The following SND1 variants were observed in gnomAD, a reference collection of about 807,000 sequenced individuals.
SND1 encodes staphylococcal nuclease and tudor domain containing 1.
In SND1, 38 loss-of-function variants were observed where a neutral mutation model predicts 121.7. The observed-to-expected ratio is 0.31, with a 90% CI of 0.24 to 0.41. The LOEUF (loss-of-function observed/expected upper bound fraction) is 0.41. Ranked by LOEUF, SND1 falls within the 10% of genes least tolerant of loss-of-function variation. The pLI is 1.00. For missense variants in SND1, 868 were observed against 1,184.6 expected (o/e 0.73, Z 3.92); for synonymous variants, 401 against 447.4 (o/e 0.90, Z 1.31).
At chr7:127,945,835 C>T (rs937792312) in intron 15 of SND1, among the ~76,000 whole-genome samples, 2 of 152,202 alleles carry the variant, frequency 1.3e-5, no homozygotes, top group African/African-American at 2.4e-5. Context: ...GAGGCAGGCA[C>T]CATTACACTA....
chr7:127,730,076 C>T (rs1171807891), intron 10 of SND1, among the ~76,000 whole-genome samples: 1 of 152,192 alleles, frequency 6.6e-6, no homozygotes, highest in East Asian at 1.9e-4. Context: ...TCAAGCGATT[C>T]TCCTGTCTCA....
intron 17 of SND1, among the ~76,000 whole-genome samples, chr7:128,078,057 G>A (rs573434936): frequency 9.2e-5 from 14 of 152,330 alleles, no homozygotes; most frequent in Admixed American, 7.2e-4. Flanking sequence ...GAAAGTGGCT[G>A]GGTCTGGCAG....
intron 1 of SND1, among the ~76,000 whole-genome samples, chr7:127,677,590 T>C (rs1471253990): frequency 6.6e-6 from 1 of 152,216 alleles, no homozygotes; most frequent in Non-Finnish European, 1.5e-5. Context: ...GTAATAAATA[T>C]TTTAGGCTTT....
At chr7:127,666,159 G>C (rs541596434) in intron 1 of SND1, among the ~76,000 whole-genome samples, 12 of 152,320 alleles carry the variant, frequency 7.9e-5, no homozygotes, top group Non-Finnish European at 1.6e-4. Flanking sequence ...GCAGGACACA[G>C]GTCCAGCTCC....
rs1793789772 is a variant in SND1 at position 128,092,005 on chromosome 7, C to T, written c.2680C>T (p.Arg894Cys). The change falls in exon 24 of 24, where the codon CGC becomes TGC. Residue 894 changes from arginine (R) to cysteine (C), a missense_variant. Arg to Cys is a radical substitution (Grantham distance 180). Transcript: ENST00000354725. The surrounding 1 kb of genome is among the most constrained non-coding windows in gnomAD (Gnocchi z 4.9). ...TTTTTTCTTACAGCTGAACCTGTGG[C>T]GCTATGGAGACTTTCGAGCTGATGA... ...SAKSARLNLW[R>C]YGDFRADDAD... The T allele has an allele frequency of 1.5e-5, 24 of 1,614,032 alleles. No individual in the cohort carries two copies. Among genetic ancestry groups the T allele is most frequent in the Non-Finnish European group, 1.7e-5 (20 of 1,180,006 alleles).
At chr7:127,897,605 T>C (rs889048866) in intron 13 of SND1, among the ~76,000 whole-genome samples, 6 of 152,220 alleles carry the variant, frequency 3.9e-5, no homozygotes, top group Admixed American at 2.6e-4. Flanking sequence ...TGGTTTGCCT[T>C]GGTAAAGGGA....
rs77759938 is a variant in SND1 at position 128,047,666 on chromosome 7, A to C, written c.1780-26836A>C. ...ATTAGCGGCAAACTAAGACATAATC[A>C]GAGTTGAGAGATCTTTGAAAAGGGT... On this transcript the variant is annotated intron_variant, in intron 16 of 23. Transcript: ENST00000354725. Among the ~76,000 whole-genome samples, 281 of 152,338 alleles carry C rather than the reference A, an allele frequency of 1.8e-3. 1 individual carries two copies. The highest frequency in any genetic ancestry group is 0.01 in the Middle Eastern group (3 of 294).
At chr7:127,779,575 T>C (rs979310470) in intron 10 of SND1, among the ~76,000 whole-genome samples, 1 of 152,238 alleles carries the variant, frequency 6.6e-6, no homozygotes, top group Admixed American at 6.5e-5. Context: ...AGAATGGTTC[T>C]TAACAAGGGG....
chr7:127,869,181 G>A (rs1799532491), intron 12 of SND1, among the ~76,000 whole-genome samples: 1 of 152,132 alleles, frequency 6.6e-6, no homozygotes, highest in Non-Finnish European at 1.5e-5. Context: ...AGGACCTGAA[G>A]GATGGCAAAA....
chr7:127,764,390 T>TTTAATAGTGCAA (rs1797372405), intron 10 of SND1, among the ~76,000 whole-genome samples: 1 of 152,200 alleles, frequency 6.6e-6, no homozygotes, highest in Admixed American at 6.5e-5. Context: ...TGCGAAGTAT[T>TTTAATAGTGCAA]TTAATAGTGC....
chr7:128,081,768 G>A, intron 18 of SND1: 1 of 632,506 alleles, frequency 1.6e-6, no homozygotes, highest in South Asian at 1.5e-5. Flanking sequence ...ACGCAGGTGA[G>A]ATAACCAGGT....
At chr7:127,702,346 G>T in intron 5 of SND1, 89 bp from the exon 6 acceptor site, 2 of 1,199,678 alleles carry the variant, frequency 1.7e-6, no homozygotes, top group Non-Finnish European at 2.5e-6. Context: ...TTGGGGAGAG[G>T]AAACTGTGTT....
intron 10 of SND1, among the ~76,000 whole-genome samples, chr7:127,793,013 A>G (rs1161623650): frequency 1.3e-5 from 2 of 152,240 alleles, no homozygotes; most frequent in Non-Finnish European, 2.9e-5. Context: ...TCACCAAGGA[A>G]AAGTTTAGAA....
intron 14 of SND1, among the ~76,000 whole-genome samples, chr7:127,921,651 T>C (rs968227806): frequency 2.6e-5 from 4 of 152,226 alleles, no homozygotes; most frequent in Non-Finnish European, 5.9e-5. Flanking sequence ...AATGTGCATT[T>C]TGAGAAACGT....
At chr7:127,766,592 G>A (rs1175153678) in intron 10 of SND1, among the ~76,000 whole-genome samples, 2 of 151,542 alleles carry the variant, frequency 1.3e-5, no homozygotes, top group Non-Finnish European at 2.9e-5. Flanking sequence ...TGGCCAACGT[G>A]GTGAAACCCC....
chr7:128,047,549 A>G (rs939694775), intron 16 of SND1, among the ~76,000 whole-genome samples: 6 of 152,242 alleles, frequency 3.9e-5, no homozygotes, highest in African/African-American at 1.2e-4. Context: ...AAATAAACAC[A>G]TAGAATACAG....
intron 1 of SND1, among the ~76,000 whole-genome samples, chr7:127,662,200 G>A (rs1457073831): frequency 2.0e-5 from 3 of 152,044 alleles, no homozygotes; most frequent in Non-Finnish European, 4.4e-5. Context: ...AACGTCAACA[G>A]TGTATTTGCT....
intron 16 of SND1, among the ~76,000 whole-genome samples, chr7:128,020,732 G>C (rs1803331844): frequency 6.6e-6 from 1 of 152,128 alleles, no homozygotes; most frequent in South Asian, 2.1e-4. Flanking sequence ...CATGAAGGGG[G>C]AAGGATTAAG....
chr7:127,946,396 C>G (rs1801330973), intron 15 of SND1, among the ~76,000 whole-genome samples: 1 of 152,142 alleles, frequency 6.6e-6, no homozygotes, highest in Non-Finnish European at 1.5e-5. Flanking sequence ...CCTATGCAAC[C>G]CTTATAAATT....
Sources: gnomAD v4.1 joint callset for allele counts (sites outside exome capture counted in the v4.1 genomes callset) on GRCh38, gnomAD v4.1.1 for gene constraint, Gnocchi (gnomAD v3.1) non-coding constraint, MANE v1.5 for transcripts, NCBI Gene and HGNC (gene_info 2026-07-23, HGNC 2026-07-21) for gene names.